Variants in CHST11 observed in about 807,000 individuals in gnomAD.
CHST11 encodes carbohydrate sulfotransferase 11.
A neutral mutation model predicts 30.4 loss-of-function variants in CHST11; 9 were observed. The observed-to-expected ratio is 0.30, with a 90% CI of 0.18 to 0.52. CHST11 has a LOEUF of 0.52. Among genes scored for constraint, CHST11 ranks in the 20% least tolerant of loss-of-function variants. CHST11 has a pLI of 0.97. For missense variants in CHST11, 348 were observed against 460.6 expected, an observed-to-expected ratio of 0.76 and a Z score of 2.24; for synonymous variants, 152 against 187.8, an observed-to-expected ratio of 0.81 and a Z score of 1.56.
chr12:104,701,719 C>T (rs1404855409), intron 2 of CHST11, among the ~76,000 whole-genome samples: 1 of 152,094 alleles, frequency 6.6e-6, no homozygotes, highest in African/African-American at 2.4e-5. Flanking sequence ...GTGTTTAATT[C>T]ACCCTGCCAT....
chr12:104,655,208 G>T (rs1300748708), intron 2 of CHST11, among the ~76,000 whole-genome samples: 1 of 152,270 alleles, frequency 6.6e-6, no homozygotes, highest in Non-Finnish European at 1.5e-5. Flanking sequence ...TGGTGGAAGG[G>T]TGAGCGACTT....
At chr12:104,557,821 T>A (rs538813851) in intron 1 of CHST11, among the ~76,000 whole-genome samples, 9 of 152,310 alleles carry the variant, frequency 5.9e-5, no homozygotes, top group African/African-American at 2.2e-4. Flanking sequence ...AAATTAATCC[T>A]GAAGCTTCCC....
chr12:104,707,753 C>T (rs1218567051), intron 2 of CHST11, among the ~76,000 whole-genome samples: 1 of 152,118 alleles, frequency 6.6e-6, no homozygotes, highest in Non-Finnish European at 1.5e-5. Flanking sequence ...CATACAAATG[C>T]ACACACACAC....
intron 2 of CHST11, among the ~76,000 whole-genome samples, chr12:104,646,170 C>T (rs558761027): frequency 7.2e-5 from 11 of 152,166 alleles, no homozygotes; most frequent in African/African-American, 1.9e-4. Flanking sequence ...CAGGGCCCTG[C>T]GAGATCCACT....
intron 2 of CHST11, among the ~76,000 whole-genome samples, chr12:104,734,990 C>T (rs1363386006): frequency 6.6e-6 from 1 of 152,218 alleles, no homozygotes; most frequent in Non-Finnish European, 1.5e-5. Flanking sequence ...GCCAGGTTTG[C>T]TTCTGTTCTG....
intron 1 of CHST11, among the ~76,000 whole-genome samples, chr12:104,522,944 T>C (rs1043931989): frequency 1.3e-5 from 2 of 152,206 alleles, no homozygotes; most frequent in African/African-American, 4.8e-5. Flanking sequence ...CATTTTTTCA[T>C]GCTTGATTTG....
intron 1 of CHST11, among the ~76,000 whole-genome samples, chr12:104,488,690 C>T (rs112261920): frequency 0.1 from 10,467 of 102,972 alleles, 785 homozygotes; most frequent in African/African-American, 0.27. Context: ...TCTGTGTATG[C>T]GTATGTGTGT....
chr12:104,684,358 G>A (rs1454237307), intron 2 of CHST11, among the ~76,000 whole-genome samples: 1 of 149,186 alleles, frequency 6.7e-6, no homozygotes, highest in African/African-American at 2.5e-5. Context: ...ATGGATGAGA[G>A]GACATCTACA....
At chr12:104,727,289 C>A (rs940683226) in intron 2 of CHST11, among the ~76,000 whole-genome samples, 1 of 152,240 alleles carries the variant, frequency 6.6e-6, no homozygotes, top group African/African-American at 2.4e-5. Context: ...ACCTTGCTCC[C>A]AGCTCATCCT....
At chr12:104,669,227 G>A (rs2039668632) in intron 2 of CHST11, among the ~76,000 whole-genome samples, 1 of 152,010 alleles carries the variant, frequency 6.6e-6, no homozygotes, top group South Asian at 2.1e-4. Context: ...CCCTTCTCCT[G>A]CCCCGCCAGC....
At chr12:104,622,339 TA>T (rs1337474649) in intron 2 of CHST11, among the ~76,000 whole-genome samples, 3 of 152,194 alleles carry the variant, frequency 2.0e-5, no homozygotes, top group Non-Finnish European at 4.4e-5. Context: ...TCAGTACATT[TA>T]TTTTTTTTAA....
At chr12:104,716,234 A>G (rs2040129910) in intron 2 of CHST11, among the ~76,000 whole-genome samples, 1 of 152,190 alleles carries the variant, frequency 6.6e-6, no homozygotes, top group Non-Finnish European at 1.5e-5. Flanking sequence ...CTTAGAGGCC[A>G]GAGTCACACC....
At chr12:104,698,691 G>C (rs2039968734) in intron 2 of CHST11, among the ~76,000 whole-genome samples, 1 of 152,130 alleles carries the variant, frequency 6.6e-6, no homozygotes, top group African/African-American at 2.4e-5. Context: ...CTGTTAGAAA[G>C]TTTTTCTGCT....
At chr12:104,631,667 G>A (rs2039271639) in intron 2 of CHST11, among the ~76,000 whole-genome samples, 1 of 152,082 alleles carries the variant, frequency 6.6e-6, no homozygotes, top group South Asian at 2.1e-4. Context: ...TCCTTGCTGG[G>A]GCCTCTCCAC....
intron 1 of CHST11, among the ~76,000 whole-genome samples, chr12:104,485,750 A>G (rs1487047749): frequency 6.6e-6 from 1 of 151,352 alleles, no homozygotes; most frequent in Non-Finnish European, 1.5e-5. Context: ...ACCACAACGC[A>G]TCTGTAATCA....
chr12:104,749,087 A>C (rs776069591), intron 2 of CHST11, among the ~76,000 whole-genome samples: 2 of 152,178 alleles, frequency 1.3e-5, no homozygotes, highest in Non-Finnish European at 2.9e-5. Flanking sequence ...GTATGTGTGA[A>C]AGTGTTCCAT....
At chr12:104,732,840 TGG>T (rs2040268174) in intron 2 of CHST11, among the ~76,000 whole-genome samples, 1 of 152,246 alleles carries the variant, frequency 6.6e-6, no homozygotes, top group African/African-American at 2.4e-5. Flanking sequence ...GCAAAACAAA[TGG>T]GGACTGATTT....
chr12:104,623,280 T>C (rs1462410495), intron 2 of CHST11, among the ~76,000 whole-genome samples: 2 of 152,094 alleles, frequency 1.3e-5, no homozygotes, highest in Admixed American at 1.3e-4. Context: ...CCTCTAAAAA[T>C]GGGAATAATA....
chr12:104,751,316 G>A (rs1458133416), intron 2 of CHST11, among the ~76,000 whole-genome samples: 1 of 152,162 alleles, frequency 6.6e-6, no homozygotes, highest in African/African-American at 2.4e-5. Flanking sequence ...CTTCAGAATT[G>A]TCCTTAGTGA....
Sources: gnomAD v4.1 joint callset for allele counts (sites outside exome capture counted in the v4.1 genomes callset) on GRCh38, gnomAD v4.1.1 for gene constraint, MANE v1.5 for transcripts, NCBI Gene and HGNC (gene_info 2026-07-23, HGNC 2026-07-21) for gene names.